The following TRPC7 variants were observed in gnomAD, a reference collection of about 807,000 sequenced individuals.
The protein encoded by TRPC7 is short transient receptor potential channel 7.
TRPC7 carries 42 observed loss-of-function variants against 90.1 expected under a neutral mutation model. The observed-to-expected ratio is 0.47, with a 90% CI of 0.36 to 0.60. The LOEUF (loss-of-function observed/expected upper bound fraction) is 0.60. Among genes scored for constraint, TRPC7 ranks in the 20% least tolerant of loss-of-function variants. The pLI, the probability that TRPC7 is intolerant of heterozygous loss-of-function variation, is 0.00. For synonymous variants in TRPC7, 451 were observed against 436.3 expected, an observed-to-expected ratio of 1.03 and a Z score of -0.42; for missense variants, 955 against 1,112.3, an observed-to-expected ratio of 0.86 and a Z score of 2.01.
intron 1 of TRPC7, among the ~76,000 whole-genome samples, chr5:136,360,337 C>A (rs1387917332): frequency 2.0e-5 from 3 of 152,010 alleles, no homozygotes; most frequent in African/African-American, 7.3e-5. Context: ...TTAGCATTCT[C>A]ATCTTTTAGG....
chr5:136,334,237 A>C (rs533054867), intron 2 of TRPC7, among the ~76,000 whole-genome samples: 2 of 152,348 alleles, frequency 1.3e-5, no homozygotes, highest in African/African-American at 4.8e-5. Context: ...CAGAGTAAGA[A>C]ATGTGCATGA....
intron 2 of TRPC7, among the ~76,000 whole-genome samples, chr5:136,326,192 C>T (rs1217595435): frequency 2.6e-5 from 4 of 152,214 alleles, no homozygotes; most frequent in Non-Finnish European, 4.4e-5. Context: ...TAAATTGCTG[C>T]TTTCACTGCT....
At chr5:136,352,189 G>C (rs1461787053) in intron 2 of TRPC7, among the ~76,000 whole-genome samples, 2 of 152,138 alleles carry the variant, frequency 1.3e-5, no homozygotes, top group East Asian at 3.9e-4. Context: ...GAGAAAGCAA[G>C]AGAGATACCC....
At chr5:136,326,007 G>A (rs1759333226) in intron 2 of TRPC7, among the ~76,000 whole-genome samples, 1 of 152,196 alleles carries the variant, frequency 6.6e-6, no homozygotes. Context: ...CATCTGCACA[G>A]GGCACCAATT....
At chr5:136,222,260 T>G (rs1755484822) in intron 10 of TRPC7, 1 of 152,002 alleles carries the variant, frequency 6.6e-6, no homozygotes, top group Admixed American at 6.6e-5. Context: ...AATGAACACC[T>G]GAAATGCTAA....
At chr5:136,345,173 A>G (rs1223868898) in intron 2 of TRPC7, among the ~76,000 whole-genome samples, 1 of 152,230 alleles carries the variant, frequency 6.6e-6, no homozygotes, top group Non-Finnish European at 1.5e-5. Flanking sequence ...AAATAAAAAT[A>G]TGTTGATAAT....
chr5:136,365,507 T>A lies in TRPC7; in HGVS notation c.-253A>T, dbSNP rs931890436. ...GTCCTTTTCCTAATCGGGGGGAAAT[T>A]TCCCAGAGAACATGACGGAGAAGCA... On this transcript the variant is annotated 5_prime_UTR_variant, in exon 1 of 12. Coordinates refer to ENST00000513104, the MANE Select transcript of TRPC7 (RefSeq NM_020389.3). 3.5e-6 allele frequency: 2 copies of A among 567,686 alleles called. No homozygotes were observed. Among genetic ancestry groups the A allele is most frequent in the Non-Finnish European group, 6.3e-6 (2 of 319,126 alleles). 35.2% of individuals were successfully genotyped at this position (567,686 alleles called of 1,614,324 possible).
intron 3 of TRPC7, among the ~76,000 whole-genome samples, chr5:136,299,852 A>G (rs544568562): frequency 6.6e-6 from 1 of 152,234 alleles, no homozygotes; most frequent in Admixed American, 6.5e-5. Context: ...ATTTGTATCT[A>G]TTTCTTGTGG....
chr5:136,349,027 A>G (rs1272658193), intron 2 of TRPC7, among the ~76,000 whole-genome samples: 1 of 152,170 alleles, frequency 6.6e-6, no homozygotes, highest in East Asian at 1.9e-4. Flanking sequence ...TGTGTAGGAA[A>G]TGATTTTTCT....
intron 3 of TRPC7, among the ~76,000 whole-genome samples, chr5:136,304,129 A>G (rs1758513862): frequency 6.6e-6 from 1 of 151,888 alleles, no homozygotes; most frequent in Non-Finnish European, 1.5e-5. Context: ...CTACAGCTGC[A>G]TCTCATTGCT....
intron 3 of TRPC7, among the ~76,000 whole-genome samples, chr5:136,297,085 C>T (rs1227905953): frequency 6.6e-6 from 1 of 152,198 alleles, no homozygotes; most frequent in African/African-American, 2.4e-5. Flanking sequence ...TGTCTTTGTT[C>T]CCCCTTTGCT....
In TRPC7 at chr5:136,247,911, C is replaced by G. The variant is rs367548267; in HGVS notation, c.1580-176G>C. Among the ~76,000 whole-genome samples the G allele has an allele frequency of 6.6e-6, 1 of 152,214 alleles. No individual in the cohort carries two copies. The highest frequency in any genetic ancestry group is 2.1e-4 in the South Asian group (1 of 4,824). ...TCCCTCTTGGAATGTGCTGGACCAT[C>G]TGCCTGGAACACTCTTCTCTCACTT... On this transcript the variant is annotated intron_variant, in intron 6 of 11. Transcript: ENST00000513104. This position sits in a 1 kb window ranked among gnomAD's most constrained non-coding sequence, Gnocchi z 4.2.
chr5:136,226,856 C>T (rs1048626060), intron 8 of TRPC7, among the ~76,000 whole-genome samples: 3 of 152,018 alleles, frequency 2.0e-5, no homozygotes, highest in Non-Finnish European at 2.9e-5. Context: ...GATAGCTTAC[C>T]GTATTGTTTT....
At chr5:136,274,632 AG>A in intron 4 of TRPC7, 40 bp downstream of exon 4, 1 of 1,539,010 alleles carries the variant, frequency 6.5e-7, no homozygotes, top group Non-Finnish European at 8.7e-7. Context: ...AGAAGAGAGA[AG>A]AAATAACCGC....
chr5:136,290,526 GA>G (rs1196465884), intron 3 of TRPC7, among the ~76,000 whole-genome samples: 4 of 152,186 alleles, frequency 2.6e-5, no homozygotes, highest in South Asian at 4.1e-4. Flanking sequence ...TGATCAACTG[GA>G]AGAAAGGGTA....
In TRPC7 at chr5:136,337,214, C is replaced by G. The variant is rs149160581; in HGVS notation, c.780+19394G>C. ...TCAAATATTTGCTTTGGGTGATGCA[C>G]AGACTCAACAGTATGCTTCAAATCT... On this transcript the variant is annotated intron_variant, in intron 2 of 11. Transcript: ENST00000513104. 5.1e-3 allele frequency among the ~76,000 whole-genome samples: 774 copies of G among 152,318 alleles called. 5 individuals carry two copies. Among genetic ancestry groups the G allele is most frequent in the African/African-American group, 0.018 (736 of 41,576 alleles).
intron 3 of TRPC7, among the ~76,000 whole-genome samples, chr5:136,301,754 T>C (rs1305511065): frequency 4.6e-5 from 7 of 152,232 alleles, no homozygotes; most frequent in Non-Finnish European, 8.8e-5. Flanking sequence ...GGACTCAGCC[T>C]GCCTGCACCC....
rs115066804 is a variant in TRPC7 at position 136,243,435 on chromosome 5, A to C, written c.1844+4036T>G. Among the ~76,000 whole-genome samples, 564 of 152,122 alleles carry C rather than the reference A, an allele frequency of 3.7e-3. 8 individuals carry two copies. Among genetic ancestry groups the C allele is most frequent in the African/African-American group, 0.012 (514 of 41,500 alleles). ...GCCGAGTCTATAGAAACAGATGCTGAGTTCTATAGACTCCTGCCTTACCCT... is the reference window on the plus strand; with the variant it reads ...GCCGAGTCTATAGAAACAGATGCTGCGTTCTATAGACTCCTGCCTTACCCT... On this transcript the variant is annotated intron_variant, in intron 7 of 11. Coordinates refer to ENST00000513104, the MANE Select transcript of TRPC7 (RefSeq NM_020389.3).
chr5:136,279,490 G>T (rs186837321), intron 3 of TRPC7, among the ~76,000 whole-genome samples: 13 of 152,284 alleles, frequency 8.5e-5, no homozygotes, highest in African/African-American at 3.1e-4. Flanking sequence ...GTCACCAGAA[G>T]TCCTCTCAGA....
Sources: gnomAD v4.1 joint callset for allele counts (sites outside exome capture counted in the v4.1 genomes callset) on GRCh38, gnomAD v4.1.1 for gene constraint, Gnocchi (gnomAD v3.1) non-coding constraint, MANE v1.5 for transcripts, NCBI Gene and HGNC (gene_info 2026-07-23, HGNC 2026-07-21) for gene names.